SLC35F3: variants seen among roughly 807,000 people sequenced by gnomAD.
SLC35F3 encodes the protein putative thiamine transporter SLC35F3.
A neutral mutation model predicts 49.9 loss-of-function variants in SLC35F3; 25 were observed. That is an observed-to-expected ratio of 0.50 (90% CI 0.37 to 0.70). The LOEUF is 0.70. Ranked by LOEUF, SLC35F3 falls within the 30% of genes least tolerant of loss-of-function variation. The pLI is 0.00. For synonymous variants in SLC35F3, 275 were observed against 265.4 expected, an observed-to-expected ratio of 1.04 and a Z score of -0.35; for missense variants, 525 against 639.8, an observed-to-expected ratio of 0.82 and a Z score of 1.94.
intron 2 of SLC35F3, among the ~76,000 whole-genome samples, chr1:234,013,239 A>C (rs982704599): frequency 1.3e-5 from 2 of 152,194 alleles, no homozygotes; most frequent in African/African-American, 4.8e-5. Flanking sequence ...ACAACCAATG[A>C]GTCAAAGAAG....
chr1:234,313,051 A>G (rs568427643), intron 4 of SLC35F3, among the ~76,000 whole-genome samples: 60 of 151,962 alleles, frequency 3.9e-4, no homozygotes, highest in African/African-American at 1.4e-3. Context: ...AATTTTTTGC[A>G]TATTTTGTAG....
chr1:234,124,051 A>G (rs1333625326), intron 2 of SLC35F3, among the ~76,000 whole-genome samples: 2 of 152,222 alleles, frequency 1.3e-5, no homozygotes, highest in Non-Finnish European at 2.9e-5. Flanking sequence ...GTCACAGGAA[A>G]CAGAGCCAGA....
intron 2 of SLC35F3, among the ~76,000 whole-genome samples, chr1:234,216,127 A>C (rs1667116853): frequency 6.6e-6 from 1 of 152,076 alleles, no homozygotes; most frequent in South Asian, 2.1e-4. Context: ...TTCTAAGCCT[A>C]CCCAGACATT....
At chr1:233,949,805 G>C (rs1385269273) in intron 2 of SLC35F3, among the ~76,000 whole-genome samples, 1 of 152,018 alleles carries the variant, frequency 6.6e-6, no homozygotes, top group Non-Finnish European at 1.5e-5. Context: ...AAGACATCAG[G>C]GAACCCAAGC....
intron 3 of SLC35F3, among the ~76,000 whole-genome samples, chr1:234,248,069 A>AGGAT (rs1285080491): frequency 7.2e-6 from 1 of 139,006 alleles, no homozygotes; most frequent in African/African-American, 2.7e-5. Flanking sequence ...ATTGTTCAGT[A>AGGAT]GGTTGGTTGG....
intron 3 of SLC35F3, among the ~76,000 whole-genome samples, chr1:234,277,648 G>T (rs1007042551): frequency 2.0e-5 from 3 of 152,168 alleles, no homozygotes; most frequent in Admixed American, 6.5e-5. Context: ...AACAAAGGGT[G>T]CCACTGTTTC....
chr1:234,310,162 C>G (rs1034743135), intron 4 of SLC35F3, among the ~76,000 whole-genome samples: 2 of 152,196 alleles, frequency 1.3e-5, no homozygotes, highest in Non-Finnish European at 2.9e-5. Context: ...CCCGTCATCA[C>G]CTTGCTACAA....
intron 2 of SLC35F3, among the ~76,000 whole-genome samples, chr1:234,060,481 C>G (rs997674399): frequency 6.6e-6 from 1 of 152,176 alleles, no homozygotes; most frequent in Admixed American, 6.5e-5. Flanking sequence ...GGGTCTCACT[C>G]TGTCACCCAG....
chr1:234,111,480 C>A (rs1434696353), intron 2 of SLC35F3, among the ~76,000 whole-genome samples: 1 of 152,160 alleles, frequency 6.6e-6, no homozygotes, highest in Non-Finnish European at 1.5e-5. Context: ...TCAGTAGAGA[C>A]GGGGGTCTCA....
intron 2 of SLC35F3, among the ~76,000 whole-genome samples, chr1:234,216,044 C>T (rs910016573): frequency 3.7e-4 from 56 of 151,624 alleles, no homozygotes; most frequent in African/African-American, 1.3e-3. Flanking sequence ...ATCCCAACCT[C>T]AGGAATGACT....
At chr1:233,962,366 G>A (rs1412404060) in intron 2 of SLC35F3, among the ~76,000 whole-genome samples, 1 of 152,218 alleles carries the variant, frequency 6.6e-6, no homozygotes, top group Non-Finnish European at 1.5e-5. Flanking sequence ...GAAATTTAGT[G>A]TGTTTTATTT....
chr1:234,203,570 A>C (rs965347124), intron 2 of SLC35F3, among the ~76,000 whole-genome samples: 1 of 152,076 alleles, frequency 6.6e-6, no homozygotes, highest in Non-Finnish European at 1.5e-5. Context: ...AATTAGCCAG[A>C]TGTGCTGGCA....
intron 3 of SLC35F3, among the ~76,000 whole-genome samples, chr1:234,271,640 G>T (rs1386557292): frequency 6.6e-6 from 1 of 152,180 alleles, no homozygotes; most frequent in Non-Finnish European, 1.5e-5. Flanking sequence ...TAATACATTT[G>T]CCGAAAGCAA....
intron 2 of SLC35F3, among the ~76,000 whole-genome samples, chr1:234,181,524 A>T (rs569998289): frequency 5.9e-4 from 90 of 152,150 alleles, no homozygotes; most frequent in Non-Finnish European, 1.2e-3. Flanking sequence ...CCATATCCAC[A>T]TGTTGCAATT....
intron 2 of SLC35F3, among the ~76,000 whole-genome samples, chr1:234,102,985 T>C (rs1466118748): frequency 2.6e-5 from 4 of 152,166 alleles, no homozygotes; most frequent in Admixed American, 1.3e-4. Flanking sequence ...CCAATCAACA[T>C]TATGCAAAGT....
chr1:234,122,929 A>G (rs1665597458), intron 2 of SLC35F3, among the ~76,000 whole-genome samples: 1 of 152,194 alleles, frequency 6.6e-6, no homozygotes, highest in South Asian at 2.1e-4. Flanking sequence ...CAATAAATAT[A>G]TATATGCTTG....
intron 2 of SLC35F3, among the ~76,000 whole-genome samples, chr1:233,988,082 A>G (rs1427011473): frequency 1.3e-5 from 2 of 152,020 alleles, no homozygotes; most frequent in African/African-American, 4.8e-5. Context: ...TTTACTGTTC[A>G]TTCATTTTTA....
chr1:233,995,340 G>C (rs1356464568), intron 2 of SLC35F3, among the ~76,000 whole-genome samples: 1 of 152,206 alleles, frequency 6.6e-6, no homozygotes, highest in Non-Finnish European at 1.5e-5. Context: ...TTGTTGTGAA[G>C]GAGATGGCAG....
intron 2 of SLC35F3, among the ~76,000 whole-genome samples, chr1:234,163,274 G>A (rs972079397): frequency 3.3e-5 from 5 of 152,234 alleles, no homozygotes; most frequent in South Asian, 4.2e-4. Context: ...TCCTTCTCTC[G>A]TAAGTACCCA....
Sources: allele counts gnomAD v4.1 joint callset (sites outside exome capture counted in the v4.1 genomes callset), GRCh38; gene constraint gnomAD v4.1.1; transcripts MANE v1.5; gene names NCBI Gene and HGNC (gene_info 2026-07-23, HGNC 2026-07-21).